The following ATP13A1 variants were observed in gnomAD, a reference collection of about 807,000 sequenced individuals.
ATP13A1 encodes the protein endoplasmic reticulum transmembrane helix translocase.
A neutral mutation model predicts 134.8 loss-of-function variants in ATP13A1; 55 were observed. The observed-to-expected ratio is 0.41, with a 90% CI of 0.33 to 0.51. The LOEUF (loss-of-function observed/expected upper bound fraction) is 0.51, where lower values mean the gene tolerates loss of function less well. ATP13A1 is among the 20% of genes least tolerant of loss of function. The pLI, the probability that ATP13A1 is intolerant of heterozygous loss-of-function variation, is 0.29. For synonymous variants in ATP13A1, 775 were observed against 725.1 expected, an observed-to-expected ratio of 1.07 and a Z score of -1.10; for missense variants, 1,389 against 1,652.8, an observed-to-expected ratio of 0.84 and a Z score of 2.77.
At chr19:19,662,970 T>C in intron 1 of ATP13A1, 1 of 536,414 alleles carries the variant, frequency 1.9e-6, no homozygotes, top group East Asian at 3.6e-5. Context: ...AACTCCTACC[T>C]GACCTGGGCG....
intron 19 of ATP13A1, among the ~76,000 whole-genome samples, chr19:19,649,264 T>C (rs2062008443): frequency 6.6e-6 from 1 of 152,204 alleles, no homozygotes; most frequent in Admixed American, 6.5e-5. Flanking sequence ...TGCTCAGCCA[T>C]CTGTGTGCTT....
chr19:19,659,316 C>G (rs1046887002), intron 3 of ATP13A1, among the ~76,000 whole-genome samples: 4 of 151,974 alleles, frequency 2.6e-5, no homozygotes, highest in African/African-American at 9.7e-5. Context: ...ATTAGCCAGG[C>G]GTGGTGGGGG....
chr19:19,656,158 T>G lies in ATP13A1; in HGVS notation c.1109A>C (p.Asp370Ala). The change falls in exon 8 of 26, where the codon GAC becomes GCC. Residue 370 changes from aspartate (D) to alanine (A), a missense_variant. Transcript: ENST00000357324. This position sits in a 1 kb window ranked among gnomAD's most constrained non-coding sequence, Gnocchi z 4.6. ...ATCAGCCTGGAGGTCCAGCACCCGG[T>G]CTGGGCTGAGGTCTTCGATGGGCTC... is the stretch of plus-strand genomic sequence containing the variant. Reference protein sequence around the residue: ...MKEPIEDLSPDRVLDLQADSR... With the variant: ...MKEPIEDLSPARVLDLQADSR... 1 of 1,613,176 alleles carries G rather than the reference T, an allele frequency of 6.2e-7. No homozygotes were observed. Among genetic ancestry groups the G allele is most frequent in the Non-Finnish European group, 8.5e-7 (1 of 1,179,498 alleles).
rs1425510610 is a variant in ATP13A1 at position 19,654,560 on chromosome 19, T to G, written c.1796A>C (p.Asp599Ala). The G allele has an allele frequency of 1.2e-6, 2 of 1,610,964 alleles. No individual in the cohort carries two copies. ...PLEKAMLTAV[D>A]WTLTKDEKVF... ...CCCCTCACCTTTGGTCAGCGTCCAGTCCACGGCCGTCAGCATGGCCTTCTC... is the reference window on the plus strand; with the variant it reads ...CCCCTCACCTTTGGTCAGCGTCCAGGCCACGGCCGTCAGCATGGCCTTCTC... The change falls in exon 13 of 26, where the codon GAC (aspartate) becomes GCC (alanine). Residue 599 changes from aspartate (D) to alanine (A), a missense_variant. By Grantham distance (126) the Asp-to-Ala change is moderately radical (BLOSUM62 -2). Coordinates refer to ENST00000357324, the MANE Select transcript of ATP13A1 (RefSeq NM_020410.3).
chr19:19,654,740 G>A (rs1227628330), intron 12 of ATP13A1, 40 bp from the exon 13 acceptor site: 1 of 1,577,344 alleles, frequency 6.3e-7, no homozygotes, highest in Non-Finnish European at 8.6e-7. Context: ...AGTGCAGGCG[G>A]GTAGGGCGAA....
intron 1 of ATP13A1, chr19:19,661,944 G>C (rs2062097425): frequency 7.8e-7 from 1 of 1,284,012 alleles, no homozygotes; most frequent in Non-Finnish European, 1.1e-6. Context: ...GCACTCTGCA[G>C]ATATCATCTC....
In ATP13A1 at chr19:19,659,581, C is replaced by T. The variant is rs2145018739; in HGVS notation, c.677+20G>A. 6.2e-7 allele frequency: 1 copy of T among 1,600,424 alleles called. No individual in the cohort carries two copies. The highest frequency in any genetic ancestry group is 8.6e-7 in the Non-Finnish European group (1 of 1,169,262). Reference sequence around the variant, plus strand: ...GCAGGACAGAAAGGCAAAGGTGCTACAGGCAAATCAAGGACTCACTTGTTG... The same window carrying T: ...GCAGGACAGAAAGGCAAAGGTGCTATAGGCAAATCAAGGACTCACTTGTTG... On this transcript the variant is annotated intron_variant, in intron 3 of 25. Coordinates refer to ENST00000357324, the MANE Select transcript of ATP13A1 (RefSeq NM_020410.3).
chr19:19,648,579 C>G (rs558319517), intron 19 of ATP13A1, among the ~76,000 whole-genome samples: 51 of 151,016 alleles, frequency 3.4e-4, no homozygotes, highest in African/African-American at 1.2e-3. Flanking sequence ...GAGGCCAACA[C>G]AGGCGCATCA....
chr19:19,646,106 A>G, intron 23 of ATP13A1, 99 bp downstream of exon 23: 1 of 1,592,920 alleles, frequency 6.3e-7, no homozygotes. Flanking sequence ...CTCCCTGGAC[A>G]CCCTGGACAA....
chr19:19,652,507 G>C, intron 16 of ATP13A1, 88 bp downstream of exon 16: 4 of 1,482,908 alleles, frequency 2.7e-6, no homozygotes, highest in Non-Finnish European at 3.6e-6. Context: ...TGTGAGACTT[G>C]GGTGCCCACC....
chr19:19,645,959 T>C lies in ATP13A1; in HGVS notation c.3275A>G (p.Lys1092Arg), dbSNP rs750655367. 3 of 1,613,150 alleles carry C rather than the reference T, an allele frequency of 1.9e-6. No homozygotes were observed. Among genetic ancestry groups the C allele is most frequent in the Admixed American group, 3.3e-5 (2 of 60,032 alleles). The change falls in exon 24 of 26, where the codon AAG (lysine) becomes AGG (arginine). Residue 1092 changes from lysine (K) to arginine (R), a missense_variant. Physicochemically the swap from Lys to Arg is conservative, Grantham distance 26 (BLOSUM62 2). Coordinates refer to ENST00000357324, the MANE Select transcript of ATP13A1 (RefSeq NM_020410.3). The surrounding 1 kb of genome is among the most constrained non-coding windows in gnomAD (Gnocchi z 4.1). ...EKQEQFVDLYKEFEPSLVNST... is the reference protein window; with the variant it reads ...EKQEQFVDLYREFEPSLVNST... ...GTTGACCAGGCTTGGCTCAAACTCC[T>C]TGTACAAGTCCACGAACTGCTCCTG...
chr19:19,650,285 A>T, intron 17 of ATP13A1: 1 of 345,382 alleles, frequency 2.9e-6, no homozygotes, highest in African/African-American at 2.1e-5. Context: ...TCTCCTTGGG[A>T]AACCCCACAC....
chr19:19,648,976 GCC>G (rs1345672055), intron 19 of ATP13A1, among the ~76,000 whole-genome samples: 62 of 151,862 alleles, frequency 4.1e-4, no homozygotes, highest in Non-Finnish European at 7.2e-4. Flanking sequence ...ACAAAAATTA[GCC>G]AGGCATGGTG....
chr19:19,650,252 C>G, intron 17 of ATP13A1: 2 of 485,800 alleles, frequency 4.1e-6, no homozygotes, highest in Admixed American at 7.5e-5. Context: ...TAACCTGAAA[C>G]ACACAGAAGG....
intron 4 of ATP13A1, 82 bp from the exon 5 acceptor site, chr19:19,657,231 A>C: frequency 6.7e-7 from 1 of 1,485,870 alleles, no homozygotes; most frequent in Non-Finnish European, 9.0e-7. Context: ...CTGATATGTG[A>C]GGGTGGGGAG....
In ATP13A1 at chr19:19,656,974, G is replaced by C. The variant is rs770384775; in HGVS notation, c.906+20C>G. 1 of 1,603,032 alleles carries C rather than the reference G, an allele frequency of 6.2e-7. No individual in the cohort carries two copies. Among genetic ancestry groups the C allele is most frequent in the African/African-American group, 1.3e-5 (1 of 74,650 alleles). The stretch of plus-strand genomic sequence containing the variant: ...GCACCTGTGCTGCACCCCCAACCTG[G>C]GTCTCCCTGGCAGCCACACCTGGAT... On this transcript the variant is annotated intron_variant, in intron 5 of 25. Coordinates refer to ENST00000357324, the MANE Select transcript of ATP13A1 (RefSeq NM_020410.3). The surrounding 1 kb of genome is among the most constrained non-coding windows in gnomAD (Gnocchi z 4.6).
chr19:19,656,739 G>T lies in ATP13A1; in HGVS notation c.1004C>A (p.Pro335Gln). The change falls in exon 7 of 26, where the codon CCA becomes CAA. Residue 335 changes from proline to glutamine, a missense_variant. Pro to Gln is a moderately conservative substitution (Grantham distance 76, BLOSUM62 -1). This residue lies in a region of ATP13A1 where 747 missense variants were observed against 956.1 expected (regional missense o/e 0.78). Transcript: ENST00000357324. This position sits in a 1 kb window ranked among gnomAD's most constrained non-coding sequence, Gnocchi z 4.6. ...GCCTCGCAGCAGAAGCACGTCACATGGCACCAGGTTCTCCTGTGGGGAGCG... is the reference window on the plus strand; with the variant it reads ...GCCTCGCAGCAGAAGCACGTCACATTGCACCAGGTTCTCCTGTGGGGAGCG... ...IGRSPQENLVPCDVLLLRGRC... is the reference protein window; with the variant it reads ...IGRSPQENLVQCDVLLLRGRC... 1.9e-6 allele frequency: 3 copies of T among 1,613,764 alleles called. No homozygotes were observed. Among genetic ancestry groups the T allele is most frequent in the Non-Finnish European group, 2.5e-6 (3 of 1,179,874 alleles).
intron 3 of ATP13A1, among the ~76,000 whole-genome samples, chr19:19,659,378 C>G (rs2062080041): frequency 6.6e-6 from 1 of 152,102 alleles, no homozygotes; most frequent in Non-Finnish European, 1.5e-5. Context: ...ATCACTTGAA[C>G]CGGGGAGGCG....
chr19:19,654,493 G>GT (rs765735312), intron 13 of ATP13A1, 50 bp downstream of exon 13: 2 of 1,552,826 alleles, frequency 1.3e-6, no homozygotes, highest in Admixed American at 3.7e-5. Flanking sequence ...GCCTAGGGCT[G>GT]TGAGAGCCAG....
Sources: gnomAD v4.1 joint callset for allele counts (sites outside exome capture counted in the v4.1 genomes callset) on GRCh38, gnomAD v4.1.1 for gene constraint, gnomAD v4.1.1 regional missense constraint, Gnocchi (gnomAD v3.1) non-coding constraint, MANE v1.5 for transcripts, NCBI Gene and HGNC (gene_info 2026-07-23, HGNC 2026-07-21) for gene names.